The following ARHGEF26 variants were observed in gnomAD, a reference collection of about 807,000 sequenced individuals.
ARHGEF26 encodes the protein Rho guanine nucleotide exchange factor (GEF) 26.
In ARHGEF26, 59 loss-of-function variants were observed where a neutral mutation model predicts 89.4. The observed-to-expected ratio is 0.66, with a 90% confidence interval of 0.54 to 0.82. The LOEUF (loss-of-function observed/expected upper bound fraction) is 0.82, where lower values mean the gene tolerates loss of function less well. Among genes scored for constraint, ARHGEF26 ranks in the 40% least tolerant of loss-of-function variants. The pLI is 0.00. For missense variants in ARHGEF26, 1,234 were observed against 1,085.6 expected, an observed-to-expected ratio of 1.14 and a Z score of -1.92; for synonymous variants, 500 against 428.4, an observed-to-expected ratio of 1.17 and a Z score of -2.06.
chr3:154,213,450 T>C (rs1715523111), intron 9 of ARHGEF26, among the ~76,000 whole-genome samples: 1 of 24,534 alleles, frequency 4.1e-5, no homozygotes, highest in Non-Finnish European at 6.1e-5. Context: ...ATCAACTCCA[T>C]TGATGCACCA....
At chr3:154,232,505 C>T (rs1368316289) in intron 11 of ARHGEF26, among the ~76,000 whole-genome samples, 1 of 152,120 alleles carries the variant, frequency 6.6e-6, no homozygotes, top group Non-Finnish European at 1.5e-5. Flanking sequence ...TTGTGGATTT[C>T]TTGACATGGG....
In ARHGEF26 at chr3:154,257,820, A is replaced by C. The variant is rs994843544; in HGVS notation, c.*2347A>C. The C allele has an allele frequency of 9.2e-5, 14 of 152,168 alleles. No individual in the cohort carries two copies. Among genetic ancestry groups the C allele is most frequent in the African/African-American group, 2.9e-4 (12 of 41,434 alleles). The allele number at this position is 152,168 out of a possible 1,614,324, so 9.4% of individuals were successfully genotyped here. On this transcript the variant is annotated 3_prime_UTR_variant, in exon 15 of 15. Transcript: ENST00000465093. ...ATGTGAATTTATAAAGATTTTGTAGATACTTGTCCTTTTGTGCTGGTGTGA... is the reference window on the plus strand; with the variant it reads ...ATGTGAATTTATAAAGATTTTGTAGCTACTTGTCCTTTTGTGCTGGTGTGA...
chr3:154,155,768 A>G (rs1037480289), intron 6 of ARHGEF26, among the ~76,000 whole-genome samples: 1 of 151,866 alleles, frequency 6.6e-6, no homozygotes, highest in Non-Finnish European at 1.5e-5. Context: ...AATGTAGTTC[A>G]TGGTTAGTAG....
chr3:154,228,124 G>A (rs1003371832), intron 11 of ARHGEF26, among the ~76,000 whole-genome samples: 2 of 147,748 alleles, frequency 1.4e-5, no homozygotes, highest in Non-Finnish European at 3.0e-5. Context: ...ATGCCATTGG[G>A]AGTCTTTGAG....
chr3:154,149,284 C>G, intron 4 of ARHGEF26, 105 bp from the exon 5 acceptor site: 1 of 692,010 alleles, frequency 1.4e-6, no homozygotes, highest in South Asian at 2.8e-5. Flanking sequence ...TGTATAGTTT[C>G]TCCTAATTCA....
At chr3:154,134,511 C>G (rs1718885937) in intron 4 of ARHGEF26, among the ~76,000 whole-genome samples, 1 of 152,168 alleles carries the variant, frequency 6.6e-6, no homozygotes, top group Non-Finnish European at 1.5e-5. Context: ...ACAGGAAAGA[C>G]TGGCCCCCAT....
rs201150057 is a variant in ARHGEF26 at position 154,186,886 on chromosome 3, C to CTTTTTTTTTTTTTTTTTTTTTT, written c.1488-792_1488-771dup. On this transcript the variant is annotated intron_variant, in intron 6 of 14. Transcript: ENST00000465093. ...CATATACTGTTAGATTTATTTCAGACTTTTTTTTTTTTTTTTTTTTTTTTT... is the reference window on the plus strand; with the variant it reads ...CATATACTGTTAGATTTATTTCAGACTTTTTTTTTTTTTTTTTTTTTTTTTTTTTTTTTTTTTTTTTTTTTTT... Among the ~76,000 whole-genome samples the CTTTTTTTTTTTTTTTTTTTTTT allele has an allele frequency of 8.5e-5, 7 of 82,042 alleles. 2 individuals are homozygous for CTTTTTTTTTTTTTTTTTTTTTT. Among genetic ancestry groups the CTTTTTTTTTTTTTTTTTTTTTT allele is most frequent in the African/African-American group, 2.8e-4 (6 of 21,132 alleles). The allele number at this position is 82,042 out of a possible 152,430, so 53.8% of individuals were successfully genotyped here.
At position 154,225,990 on chromosome 3, in the gene ARHGEF26, C is replaced by G; in HGVS notation, c.2070C>G (p.Leu690=). 1.2e-6 allele frequency: 2 copies of G among 1,610,800 alleles called. No individual in the cohort carries two copies. Among genetic ancestry groups the G allele is most frequent in the Admixed American group, 1.7e-5 (1 of 59,384 alleles). The change falls in exon 11 of 15, where the codon CTC becomes CTG. Residue 690 remains leucine, a synonymous_variant. Transcript: ENST00000465093. ...ACTTCTTTCTCTTTAACGATGTGCT[C>G]ATTATCACCAAGAAGAAGAGGTAAG... ...QVYFFLFNDV[L]IITKKKSEES...
intron 4 of ARHGEF26, among the ~76,000 whole-genome samples, chr3:154,139,196 T>G (rs1719205232): frequency 6.6e-6 from 1 of 152,144 alleles, no homozygotes. Flanking sequence ...ATAAGGCCAG[T>G]GCAGCTGGAA....
At chr3:154,149,073 A>T (rs1719857812) in intron 4 of ARHGEF26, among the ~76,000 whole-genome samples, 1 of 152,114 alleles carries the variant, frequency 6.6e-6, no homozygotes, top group African/African-American at 2.4e-5. Flanking sequence ...CCTATTAGCT[A>T]TGTGCTCTTG....
chr3:154,127,732 T>G (rs911627666), intron 3 of ARHGEF26, among the ~76,000 whole-genome samples: 1 of 152,130 alleles, frequency 6.6e-6, no homozygotes, highest in African/African-American at 2.4e-5. Context: ...TATAATTGTA[T>G]GTGCTATACT....
At chr3:154,185,645 G>T (rs1008053234) in intron 6 of ARHGEF26, among the ~76,000 whole-genome samples, 8 of 152,278 alleles carry the variant, frequency 5.3e-5, no homozygotes, top group African/African-American at 1.9e-4. Flanking sequence ...TCAGTTAAGG[G>T]TTATTGTGGA....
chr3:154,168,687 CTGT>C (rs1328489782), intron 6 of ARHGEF26, among the ~76,000 whole-genome samples: 1 of 152,192 alleles, frequency 6.6e-6, no homozygotes, highest in East Asian at 1.9e-4. Flanking sequence ...CCTTCACCTT[CTGT>C]TGATGTATTA....
chr3:154,178,837 C>T (rs1712998724), intron 6 of ARHGEF26, among the ~76,000 whole-genome samples: 2 of 152,072 alleles, frequency 1.3e-5, no homozygotes, highest in Admixed American at 1.3e-4. Flanking sequence ...TTGCAGCTGG[C>T]CTCTTTACCA....
chr3:154,140,579 T>TTCTG (rs1559856060), intron 4 of ARHGEF26, among the ~76,000 whole-genome samples: 2 of 132,558 alleles, frequency 1.5e-5, no homozygotes, highest in South Asian at 5.4e-4. Flanking sequence ...TACTCAGGGT[T>TTCTG]TCTGAGTGCT....
At chr3:154,151,687 C>T (rs1720033159) in intron 5 of ARHGEF26, among the ~76,000 whole-genome samples, 1 of 152,156 alleles carries the variant, frequency 6.6e-6, no homozygotes, top group South Asian at 2.1e-4. Flanking sequence ...GTCCCTAAAC[C>T]TTACGGAAGT....
chr3:154,122,066 A>G lies in ARHGEF26; in HGVS notation c.74A>G (p.Gln25Arg), dbSNP rs771077073. 2 of 1,612,484 alleles carry G rather than the reference A, an allele frequency of 1.2e-6. No homozygotes were observed. Among genetic ancestry groups the G allele is most frequent in the African/African-American group, 2.7e-5 (2 of 74,862 alleles). The change falls in exon 2 of 15, where the codon CAG becomes CGG. Residue 25 changes from glutamine (Q) to arginine (R), a missense_variant. Transcript: ENST00000465093. Reference sequence around the variant, plus strand: ...TTGTGGCGGAGGCGGTCGATTCCTCAGCCCCACCAGGTTCTGGGCCGGAGC... The same window carrying G: ...TTGTGGCGGAGGCGGTCGATTCCTCGGCCCCACCAGGTTCTGGGCCGGAGC... ...TPLWRRRSIP[Q>R]PHQVLGRSKP...
chr3:154,192,562 A>C (rs1034223844), intron 8 of ARHGEF26, among the ~76,000 whole-genome samples: 1 of 152,104 alleles, frequency 6.6e-6, no homozygotes, highest in African/African-American at 2.4e-5. Context: ...CCCTGTGTAC[A>C]TATTGGGAAG....
chr3:154,157,749 A>C (rs181470684), intron 6 of ARHGEF26, among the ~76,000 whole-genome samples: 1 of 152,148 alleles, frequency 6.6e-6, no homozygotes, highest in East Asian at 1.9e-4. Context: ...AATTGTATTA[A>C]CCAGGATATA....
Sources: gnomAD v4.1 joint callset for allele counts (sites outside exome capture counted in the v4.1 genomes callset) on GRCh38, gnomAD v4.1.1 for gene constraint, MANE v1.5 for transcripts, NCBI Gene and HGNC (gene_info 2026-07-23, HGNC 2026-07-21) for gene names.